Variants in TMC2 observed in about 807,000 individuals in gnomAD.
TMC2 encodes the protein transmembrane channel like 2, also known as transmembrane channel-like protein 2.
Under a neutral mutation model 105.9 loss-of-function variants are expected in TMC2, and 102 were observed. That is an observed-to-expected ratio of 0.96 (90% CI 0.82 to 1.14). The LOEUF is 1.14. Among genes scored for constraint, TMC2 ranks in the 50% most tolerant of loss-of-function variants. The pLI is 0.00. For synonymous variants in TMC2, 402 were observed against 422.8 expected (o/e 0.95, Z 0.60); for missense variants, 1,093 against 1,134.3 (o/e 0.96, Z 0.52).
At chr20:2,629,019 G>A (rs6037153) in intron 17 of TMC2, among the ~76,000 whole-genome samples, 103,096 of 144,962 alleles carry the variant, frequency 0.71, 36,566 homozygotes, top group East Asian at 0.85. Context: ...GGAGAATGGC[G>A]TGAACCCGGG....
chr20:2,542,678 T>C (rs4815300), intron 2 of TMC2, among the ~76,000 whole-genome samples: 62,380 of 149,790 alleles, frequency 0.42, 13,256 homozygotes, highest in Admixed American at 0.47. Flanking sequence ...ATTTTTACAG[T>C]CTTTTCTCTT....
chr20:2,606,932 T>C (rs144869291), intron 11 of TMC2, among the ~76,000 whole-genome samples: 2 of 146,012 alleles, frequency 1.4e-5, no homozygotes, highest in Non-Finnish European at 3.0e-5. Flanking sequence ...TCACCCTTTT[T>C]CTGGGTTTTT....
intron 11 of TMC2, among the ~76,000 whole-genome samples, chr20:2,609,678 G>A (rs1477752024): frequency 6.6e-6 from 1 of 152,134 alleles, no homozygotes; most frequent in Non-Finnish European, 1.5e-5. Context: ...GTAGATATGG[G>A]GCAGTGATGG....
chr20:2,615,349 G>T (rs982473367), intron 14 of TMC2, among the ~76,000 whole-genome samples: 3 of 152,166 alleles, frequency 2.0e-5, no homozygotes, highest in African/African-American at 7.2e-5. Context: ...ACTTCACCCC[G>T]TGGACTTAAT....
chr20:2,580,650 G>A (rs975728660), intron 7 of TMC2, among the ~76,000 whole-genome samples: 5 of 152,056 alleles, frequency 3.3e-5, no homozygotes, highest in Admixed American at 2.0e-4. Flanking sequence ...TGATGTGATC[G>A]TGGTTCAGTG....
intron 17 of TMC2, among the ~76,000 whole-genome samples, chr20:2,634,691 G>C (rs1448426435): frequency 1.3e-5 from 2 of 152,216 alleles, no homozygotes; most frequent in Non-Finnish European, 2.9e-5. Context: ...AGCCAGACAA[G>C]TTACCTCTCT....
At chr20:2,591,030 T>A (rs2086264444) in intron 7 of TMC2, among the ~76,000 whole-genome samples, 1 of 152,112 alleles carries the variant, frequency 6.6e-6, no homozygotes, top group Non-Finnish European at 1.5e-5. Context: ...AAAAATTTAA[T>A]CTCATTAAAA....
chr20:2,628,974 C>T (rs6037151), intron 17 of TMC2, among the ~76,000 whole-genome samples: 101,656 of 142,832 alleles, frequency 0.71, 34,994 homozygotes, highest in East Asian at 0.82. Flanking sequence ...TGGTGGCGGG[C>T]GCCTGTGGTC....
At chr20:2,607,749 A>G (rs756985420) in intron 11 of TMC2, among the ~76,000 whole-genome samples, 1 of 152,214 alleles carries the variant, frequency 6.6e-6, no homozygotes, top group Non-Finnish European at 1.5e-5. Flanking sequence ...TAGGACACCT[A>G]GCTTCATTGT....
At chr20:2,629,529 TAAAAA>T (rs56821075) in intron 17 of TMC2, among the ~76,000 whole-genome samples, 1 of 116,070 alleles carries the variant, frequency 8.6e-6, no homozygotes, top group South Asian at 3.0e-4. Context: ...CTTACAGAAG[TAAAAA>T]AAAAAAAAAA....
At chr20:2,552,283 A>G (rs2085961398) in intron 2 of TMC2, among the ~76,000 whole-genome samples, 1 of 152,198 alleles carries the variant, frequency 6.6e-6, no homozygotes, top group Non-Finnish European at 1.5e-5. Context: ...ACACTTTAGA[A>G]TCAGTTTATC....
At chr20:2,634,925 T>C (rs1354416716) in intron 17 of TMC2, among the ~76,000 whole-genome samples, 2 of 152,222 alleles carry the variant, frequency 1.3e-5, no homozygotes, top group African/African-American at 4.8e-5. Context: ...GGGGCTCCTC[T>C]TCTCTGACTG....
At chr20:2,584,823 C>A (rs2422798) in intron 7 of TMC2, among the ~76,000 whole-genome samples, 20,380 of 151,664 alleles carry the variant, frequency 0.13, 1,581 homozygotes, top group African/African-American at 0.21. Flanking sequence ...TTGGGGGGCA[C>A]AATTTGCATC....
chr20:2,560,739 A>C (rs556841572), intron 3 of TMC2, among the ~76,000 whole-genome samples: 1 of 152,106 alleles, frequency 6.6e-6, no homozygotes, highest in Non-Finnish European at 1.5e-5. Context: ...CCGGAGGCTA[A>C]GGTGGGAGAA....
chr20:2,625,087 T>C (rs901235620), intron 17 of TMC2, among the ~76,000 whole-genome samples: 1 of 152,156 alleles, frequency 6.6e-6, no homozygotes, highest in Non-Finnish European at 1.5e-5. Flanking sequence ...CAGTAAATGC[T>C]CAAGGAAAGA....
At chr20:2,570,354 G>C (rs780537741) in intron 4 of TMC2, among the ~76,000 whole-genome samples, 2 of 151,926 alleles carry the variant, frequency 1.3e-5, no homozygotes, top group African/African-American at 4.8e-5. Context: ...TCTTGATCTA[G>C]TAACATTCAA....
intron 2 of TMC2, among the ~76,000 whole-genome samples, chr20:2,552,681 A>C (rs1600097515): frequency 6.6e-6 from 1 of 151,932 alleles, no homozygotes; most frequent in East Asian, 1.9e-4. Context: ...ATGCCCAGCT[A>C]ATTTTTGTAT....
chr20:2,616,306 C>T lies in TMC2; in HGVS notation c.1940+102C>T. ...CTAGTTGGAAGAGGCTAGATAAGTC[C>T]TCTTGCCTCTCTGAACTCCCCTCTT... On this transcript the variant is annotated intron_variant, in intron 15 of 19. Coordinates refer to ENST00000358864, the MANE Select transcript of TMC2 (RefSeq NM_080751.3). The surrounding 1 kb of genome is among the most constrained non-coding windows in gnomAD (Gnocchi z 4.8). 1.1e-6 allele frequency: 1 copy of T among 913,308 alleles called. No homozygotes were observed. Among genetic ancestry groups the T allele is most frequent in the Non-Finnish European group, 1.8e-6 (1 of 550,380 alleles). 56.6% of individuals were successfully genotyped at this position (913,308 alleles called of 1,614,324 possible).
At chr20:2,541,171 A>C (rs1447471997) in intron 2 of TMC2, among the ~76,000 whole-genome samples, 1 of 152,202 alleles carries the variant, frequency 6.6e-6, no homozygotes, top group East Asian at 1.9e-4. Flanking sequence ...TAAAGACTTC[A>C]TGGTAATTAT....
Sources: allele counts gnomAD v4.1 joint callset (sites outside exome capture counted in the v4.1 genomes callset), GRCh38; gene constraint gnomAD v4.1.1; non-coding constraint Gnocchi (gnomAD v3.1); transcripts MANE v1.5; gene names NCBI Gene and HGNC (gene_info 2026-07-23, HGNC 2026-07-21).